The following SLC4A2 variants were observed in gnomAD, a reference collection of about 807,000 sequenced individuals.
SLC4A2 encodes anion exchange protein 2.
SLC4A2 carries 36 observed loss-of-function variants against 115.0 expected under a neutral mutation model. The observed-to-expected ratio is 0.31, with a 90% CI of 0.24 to 0.41. The LOEUF is 0.41. Among genes scored for constraint, SLC4A2 ranks in the 10% least tolerant of loss-of-function variants. SLC4A2 has a pLI of 1.00. For missense variants in SLC4A2, 1,252 were observed against 1,705.6 expected (o/e 0.73, Z 4.68); for synonymous variants, 708 against 708.3 (o/e 1.00, Z 0.01).
In SLC4A2 at chr7:151,074,212, G is replaced by A; in HGVS notation, c.2709G>A (p.Leu903=). Residue 903 remains leucine (L), a synonymous_variant, in exon 17 of 23, where the codon CTG becomes CTA. Coordinates refer to ENST00000413384, the MANE Select transcript of SLC4A2 (RefSeq NM_003040.4). The part of the protein sequence containing the change: ...KPRGQPNTAL[L]SLVLMAGTFF... ...GGGGCCAGCCCAACACGGCCCTGCT[G>A]TCGCTGGTGCTCATGGCCGGCACCT... 6.2e-7 allele frequency: 1 copy of A among 1,613,030 alleles called. No homozygotes were observed. The highest frequency in any genetic ancestry group is 8.5e-7 in the Non-Finnish European group (1 of 1,179,970).
chr7:151,063,383 G>C (rs113094439), intron 2 of SLC4A2, among the ~76,000 whole-genome samples: 1 of 152,178 alleles, frequency 6.6e-6, no homozygotes, highest in Admixed American at 6.5e-5. Context: ...TACTTTTTGG[G>C]CTCAGCAGTT....
intron 1 of SLC4A2, chr7:151,061,666 C>G (rs1053103128): frequency 6.3e-5 from 23 of 367,104 alleles, no homozygotes; most frequent in Non-Finnish European, 5.5e-5. Flanking sequence ...ATTTTTCTTG[C>G]GGCCTTTCCC....
At position 151,071,414 on chromosome 7, in the gene SLC4A2, C is replaced by A; in HGVS notation, c.2000C>A (p.Ala667Glu). ...DKALLQMVEA[A>E]GAAEDDPLRR... ...GCGCTCCTGCAGATGGTAGAGGCGG[C>A]AGGGGCAGCTGAAGATGATCCCCTT... Residue 667 changes from alanine (A) to glutamate (E), a missense_variant, in exon 14 of 23, where the codon GCA (alanine) becomes GAA (glutamate). By Grantham distance (107) the Ala-to-Glu change is moderately radical. Coordinates refer to ENST00000413384, the MANE Select transcript of SLC4A2 (RefSeq NM_003040.4). This position sits in a 1 kb window ranked among gnomAD's most constrained non-coding sequence, Gnocchi z 5.5. The A allele has an allele frequency of 6.2e-7, 1 of 1,600,348 alleles. No homozygotes were observed. The highest frequency in any genetic ancestry group is 8.5e-7 in the Non-Finnish European group (1 of 1,177,930).
Position 151,075,235 on chromosome 7 carries a change from A to G in SLC4A2, c.3048-20A>G, listed in dbSNP as rs375242923. ...AGCTGAGTCCAGCCTGGGCCTCAGC[A>G]GCACCCCTCCCGCTCTCAGGCTCAT... is the stretch of plus-strand genomic sequence containing the variant. On this transcript the variant is annotated intron_variant, in intron 19 of 22. Coordinates refer to ENST00000413384, the MANE Select transcript of SLC4A2 (RefSeq NM_003040.4). 2.5e-6 allele frequency: 4 copies of G among 1,611,242 alleles called. No homozygotes were observed. The highest frequency in any genetic ancestry group is 3.4e-6 in the Non-Finnish European group (4 of 1,179,854).
Position 151,071,559 on chromosome 7 carries a change from C to A in SLC4A2, c.2145C>A (p.Ile715=), listed in dbSNP as rs139008912. The A allele has an allele frequency of 8.7e-5, 141 of 1,614,030 alleles. No homozygotes were observed. The highest frequency in any genetic ancestry group is 1.1e-4 in the Non-Finnish European group (133 of 1,179,994). The change falls in exon 14 of 23, where the codon ATC becomes ATA. Residue 715 remains isoleucine, a synonymous_variant. Transcript: ENST00000413384. This position sits in a 1 kb window ranked among gnomAD's most constrained non-coding sequence, Gnocchi z 5.5. ...AGTGCCTGGCCGCAGTCATCTTCATCTACTTTGCCGCCCTGTCTCCTGCCA... is the reference window on the plus strand; with the variant it reads ...AGTGCCTGGCCGCAGTCATCTTCATATACTTTGCCGCCCTGTCTCCTGCCA... ...DPQCLAAVIF[I]YFAALSPAIT... is the part of the protein sequence containing the mutation.
intron 2 of SLC4A2, chr7:151,063,301 C>T: frequency 1.2e-6 from 1 of 833,928 alleles, no homozygotes; most frequent in Non-Finnish European, 1.7e-6. Flanking sequence ...GCATCCATTC[C>T]GGTCCCTGCG....
chr7:151,063,976 ACCT>A, intron 2 of SLC4A2, among the ~76,000 whole-genome samples: 1 of 151,254 alleles, frequency 6.6e-6, no homozygotes, highest in African/African-American at 2.4e-5. Flanking sequence ...CAATCCACCC[ACCT>A]CAGCCTCCCA....
At chr7:151,063,318 GGTTT>G in intron 2 of SLC4A2, 1 of 741,254 alleles carries the variant, frequency 1.3e-6, no homozygotes, top group East Asian at 3.4e-5. Flanking sequence ...TGCGGGGCTG[GGTTT>G]GTTTGACTCG....
At chr7:151,075,936 C>T (rs769660250) in intron 21 of SLC4A2, 77 bp from the exon 22 acceptor site, 47 of 1,489,088 alleles carry the variant, frequency 3.2e-5, no homozygotes, top group Non-Finnish European at 4.0e-5. Flanking sequence ...CTTCCATCCC[C>T]GCCTCCGAAG....
chr7:151,071,683 C>G lies in SLC4A2; in HGVS notation c.2192-6C>G. The G allele has an allele frequency of 6.2e-7, 1 of 1,610,464 alleles. No homozygotes were observed. Among genetic ancestry groups the G allele is most frequent in the South Asian group, 1.1e-5 (1 of 90,868 alleles). Reference sequence around the variant, plus strand: ...CCAGCTCCTGAGCTGGTTCCTACACCCCTAGGAGAGAAGACGCAGGACCTG... The same window carrying G: ...CCAGCTCCTGAGCTGGTTCCTACACGCCTAGGAGAGAAGACGCAGGACCTG... On this transcript the variant is annotated splice_polypyrimidine_tract_variant and splice_region_variant and intron_variant, in intron 14 of 22. Transcript: ENST00000413384. The surrounding 1 kb of genome is among the most constrained non-coding windows in gnomAD (Gnocchi z 5.5).
intron 16 of SLC4A2, 38 bp downstream of exon 16, chr7:151,072,174 C>T (rs754066661): frequency 1.8e-5 from 28 of 1,582,364 alleles, no homozygotes; most frequent in African/African-American, 5.4e-5. Context: ...CCAGGAGGGC[C>T]GAGGTCTCAG....
rs1171924104 is a variant in SLC4A2, at chr7:151,064,078, G to T, written c.52-124G>T. 8.6e-6 allele frequency: 8 copies of T among 935,600 alleles called. No homozygotes were observed. The African/African-American group carries it at 9.9e-5, about 12-fold the overall frequency. 58.0% of individuals were successfully genotyped at this position (935,600 alleles called of 1,614,324 possible). ...CTGCTGGGGGCATATAGAGCCACCA[G>T]CATTAGAGGAGATAGCTGCTGGCGG... is the stretch of plus-strand genomic sequence containing the variant. On this transcript the variant is annotated intron_variant, in intron 2 of 22. Transcript: ENST00000413384.
At position 151,075,407 on chromosome 7, in the gene SLC4A2, C is replaced by T. The variant is rs765300374; in HGVS notation, c.3200C>T (p.Ala1067Val). Residue 1067 changes from alanine (A) to valine (V), a missense_variant, in exon 20 of 23, where the codon GCG (alanine) becomes GTG (valine). Transcript: ENST00000413384. ...ATVRSVTHAN[A>V]LTVMSKAVAP... ...GTCCGCTCTGTCACTCACGCCAACG[C>T]GCTCACTGTCATGAGCAAGGCTGTG... The T allele has an allele frequency of 7.5e-6, 12 of 1,609,034 alleles. No homozygotes were observed. Among genetic ancestry groups the T allele is most frequent in the East Asian group, 2.2e-5 (1 of 44,876 alleles).
At chr7:151,076,524 CCTAT>C, downstream of SLC4A2, 1 of 718,050 alleles carries the variant, frequency 1.4e-6, no homozygotes, top group Non-Finnish European at 2.2e-6. Flanking sequence ...TTGGCCCCCA[CCTAT>C]CTGTGGCCTT....
Position 151,070,575 on chromosome 7 carries a change from T to C in SLC4A2, c.1564+4T>C, listed in dbSNP as rs1331785013. ...GAGGCCACGGTGGTCCTTGTGGGTA[T>C]GTGGGGCAGGTCACATGTAGGGGGC... On this transcript the variant is annotated splice_donor_region_variant and intron_variant, in intron 11 of 22. Coordinates refer to ENST00000413384, the MANE Select transcript of SLC4A2 (RefSeq NM_003040.4). The C allele has an allele frequency of 1.2e-6, 2 of 1,612,164 alleles. No individual in the cohort carries two copies. The highest frequency in any genetic ancestry group is 1.7e-5 in the Admixed American group (1 of 59,876).
chr7:151,075,688 C>G lies in SLC4A2; in HGVS notation c.3384C>G (p.Thr1128=), dbSNP rs747676831. 1.6e-5 allele frequency: 26 copies of G among 1,612,296 alleles called. No individual in the cohort carries two copies. The highest frequency in any genetic ancestry group is 2.2e-5 in the Non-Finnish European group (26 of 1,179,062). Reference sequence around the variant, plus strand: ...GAATTTTCCTGTACATGGGAGTCACCTCCCTTAACGGGATCCAGTTCTATG... The same window carrying G: ...GAATTTTCCTGTACATGGGAGTCACGTCCCTTAACGGGATCCAGTTCTATG... ...LFGIFLYMGV[T]SLNGIQFYER... The change falls in exon 21 of 23, where the codon ACC becomes ACG. Residue 1128 remains threonine, a synonymous_variant. Transcript: ENST00000413384.
At position 151,060,870 on chromosome 7, in the gene SLC4A2, C is replaced by T. The variant is rs1434170036; in HGVS notation, c.-63-1055C>T. ...ATTGTTTGACGCTACACTGACTTGTCTTACTCCTAAGTCAGGCACCCCCAG... is the reference window on the plus strand; with the variant it reads ...ATTGTTTGACGCTACACTGACTTGTTTTACTCCTAAGTCAGGCACCCCCAG... On this transcript the variant is annotated intron_variant, in intron 1 of 22. Transcript: ENST00000413384. The surrounding 1 kb of genome is among the most constrained non-coding windows in gnomAD (Gnocchi z 5.9). 4.6e-5 allele frequency among the ~76,000 whole-genome samples: 7 copies of T among 152,324 alleles called. No homozygotes were observed. The East Asian group carries it at 1.3e-3, about 29-fold the overall frequency.
chr7:151,066,238 T>C (rs953691811), intron 5 of SLC4A2, among the ~76,000 whole-genome samples: 1 of 152,202 alleles, frequency 6.6e-6, no homozygotes, highest in African/African-American at 2.4e-5. Context: ...GTCTCAGCCC[T>C]GGCTGCTGAG....
chr7:151,061,890 G>C (rs1297321281), intron 1 of SLC4A2, 35 bp from the exon 2 acceptor site: 5 of 1,154,252 alleles, frequency 4.3e-6, no homozygotes, highest in Non-Finnish European at 6.3e-6. Context: ...CCCTCCCAGG[G>C]CTCTCGATGG....
Sources: allele counts gnomAD v4.1 joint callset (sites outside exome capture counted in the v4.1 genomes callset), GRCh38; gene constraint gnomAD v4.1.1; non-coding constraint Gnocchi (gnomAD v3.1); transcripts MANE v1.5; gene names NCBI Gene and HGNC (gene_info 2026-07-23, HGNC 2026-07-21).